Variants in CDYL2 observed in about 807,000 individuals in gnomAD.
CDYL2 encodes the protein chromodomain Y-like protein 2.
In CDYL2, 23 loss-of-function variants were observed where a neutral mutation model predicts 49.4. The ratio of observed to expected loss-of-function variants is 0.47; its 90% CI spans 0.34 to 0.66. CDYL2 has a LOEUF of 0.66. Ranked by LOEUF, CDYL2 falls within the 30% of genes least tolerant of loss-of-function variation. CDYL2 has a pLI of 0.01. For synonymous variants in CDYL2, 360 were observed against 268.8 expected (o/e 1.34, Z -3.32); for missense variants, 678 against 656.4 (o/e 1.03, Z -0.36).
chr16:80,801,113 C>A (rs1275566632), intron 1 of CDYL2, among the ~76,000 whole-genome samples: 1 of 152,160 alleles, frequency 6.6e-6, no homozygotes, highest in Non-Finnish European at 1.5e-5. Flanking sequence ...TATGTTTAGC[C>A]GAATATAGAC....
intron 2 of CDYL2, among the ~76,000 whole-genome samples, chr16:80,672,791 T>C (rs1040295817): frequency 6.6e-6 from 1 of 152,164 alleles, no homozygotes; most frequent in African/African-American, 2.4e-5. Flanking sequence ...AGCTGCTAAA[T>C]GTAACATCCT....
chr16:80,772,474 ACGGAGT>A (rs1306078174), intron 1 of CDYL2, among the ~76,000 whole-genome samples: 4 of 152,140 alleles, frequency 2.6e-5, no homozygotes, highest in Admixed American at 2.6e-4. Context: ...TTTTTGGGAG[ACGGAGT>A]CTCCCTCTGT....
intron 2 of CDYL2, 54 bp downstream of exon 2, chr16:80,684,484 G>T: frequency 6.5e-7 from 1 of 1,528,550 alleles, no homozygotes; most frequent in Non-Finnish European, 8.9e-7. Context: ...TACAGGCAGA[G>T]CTCCCCTTTC....
At chr16:80,772,477 G>A (rs1906939132) in intron 1 of CDYL2, among the ~76,000 whole-genome samples, 1 of 152,168 alleles carries the variant, frequency 6.6e-6, no homozygotes, top group African/African-American at 2.4e-5. Context: ...TTGGGAGACG[G>A]AGTCTCCCTC....
intron 3 of CDYL2, among the ~76,000 whole-genome samples, chr16:80,631,071 TG>T (rs1227004659): frequency 1.3e-5 from 2 of 152,182 alleles, no homozygotes; most frequent in African/African-American, 2.4e-5. Context: ...TCAGTGGGCC[TG>T]GCACTGGGAT....
intron 2 of CDYL2, among the ~76,000 whole-genome samples, chr16:80,637,546 T>C (rs905130514): frequency 6.6e-6 from 1 of 152,092 alleles, no homozygotes; most frequent in Admixed American, 6.6e-5. Flanking sequence ...AGAAAAACAA[T>C]TACTCCTGAA....
chr16:80,769,335 C>T (rs1176156076), intron 1 of CDYL2, among the ~76,000 whole-genome samples: 1 of 152,216 alleles, frequency 6.6e-6, no homozygotes, highest in Non-Finnish European at 1.5e-5. Context: ...GGAGGTGATG[C>T]TGAAAGCCAA....
intron 1 of CDYL2, among the ~76,000 whole-genome samples, chr16:80,789,252 C>T (rs1344580403): frequency 6.6e-6 from 1 of 152,166 alleles, no homozygotes; most frequent in South Asian, 2.1e-4. Context: ...TACTGTTCAA[C>T]CCAGCAATCC....
chr16:80,768,673 T>C (rs894942808), intron 1 of CDYL2, among the ~76,000 whole-genome samples: 3 of 152,146 alleles, frequency 2.0e-5, no homozygotes, highest in African/African-American at 7.2e-5. Flanking sequence ...ATATAAATTT[T>C]GGGGAGACAT....
intron 1 of CDYL2, among the ~76,000 whole-genome samples, chr16:80,785,550 T>C (rs1295853159): frequency 2.0e-5 from 3 of 152,170 alleles, no homozygotes; most frequent in Non-Finnish European, 4.4e-5. Context: ...AAGTAATTTA[T>C]AGATTCAATG....
chr16:80,728,774 A>G (rs548600347), intron 1 of CDYL2, among the ~76,000 whole-genome samples: 4 of 152,322 alleles, frequency 2.6e-5, no homozygotes, highest in African/African-American at 9.6e-5. Context: ...TCTACAAGCC[A>G]GAAGAGAGTG....
At chr16:80,693,914 A>G (rs889617880) in intron 1 of CDYL2, among the ~76,000 whole-genome samples, 2 of 152,248 alleles carry the variant, frequency 1.3e-5, no homozygotes, top group Non-Finnish European at 2.9e-5. Flanking sequence ...TTACAGATGT[A>G]TGATACAACC....
At position 80,804,118 on chromosome 16, in the gene CDYL2, T is replaced by C. The variant is rs1166566099; in HGVS notation, c.24+32A>G. 4 of 1,069,966 alleles carry C rather than the reference T, an allele frequency of 3.7e-6. No homozygotes were observed. The East Asian group carries it at 3.5e-4, about 93-fold the overall frequency. 66.3% of individuals were successfully genotyped at this position (1,069,966 alleles called of 1,614,324 possible). On this transcript the variant is annotated intron_variant, in intron 1 of 6. Coordinates refer to ENST00000570137, the MANE Select transcript of CDYL2 (RefSeq NM_152342.4). ...CCGCCGCCCGCCGCCGCCCGCTGAC[T>C]GGGGCCGGCCCGCGCCCCCGCGTCC...
chr16:80,666,883 G>C (rs1258069336), intron 2 of CDYL2, among the ~76,000 whole-genome samples: 1 of 152,170 alleles, frequency 6.6e-6, no homozygotes, highest in Non-Finnish European at 1.5e-5. Flanking sequence ...CACCTGCTAA[G>C]TGCCCAGCAT....
At chr16:80,658,664 A>T (rs1908910423) in intron 2 of CDYL2, among the ~76,000 whole-genome samples, 1 of 152,224 alleles carries the variant, frequency 6.6e-6, no homozygotes, top group Admixed American at 6.5e-5. Context: ...AGAATTCATG[A>T]TTTTAAAAAT....
chr16:80,649,525 T>G (rs1908495584), intron 2 of CDYL2, among the ~76,000 whole-genome samples: 1 of 152,176 alleles, frequency 6.6e-6, no homozygotes, highest in African/African-American at 2.4e-5. Flanking sequence ...GAATCAATAT[T>G]GTTAAAATGG....
Position 80,612,912 on chromosome 16 carries a change from G to A in CDYL2, c.1008-76C>T. ...CCCACTGGAACCCTTGACTCTCCCA[G>A]GTGCTGTGAGGAGCACCCTCAGGTC... is the stretch of plus-strand genomic sequence containing the variant. On this transcript the variant is annotated intron_variant, in intron 4 of 6. Transcript: ENST00000570137. The surrounding 1 kb of genome is among the most constrained non-coding windows in gnomAD (Gnocchi z 5.0). 1 of 1,349,870 alleles carries A rather than the reference G, an allele frequency of 7.4e-7. No individual in the cohort carries two copies. The highest frequency in any genetic ancestry group is 1.5e-5 in the South Asian group (1 of 67,296). The allele number at this position is 1,349,870 out of a possible 1,614,324, so 83.6% of individuals were successfully genotyped here.
Position 80,691,245 on chromosome 16 carries a change from C to T in CDYL2, c.25-6116G>A, listed in dbSNP as rs114221463. On this transcript the variant is annotated intron_variant, in intron 1 of 6. Transcript: ENST00000570137. ...GACAACTCCCTTGGGGGCGGAAGGG[C>T]GAAGGCACCCCATGGTTACAACTTG... 4.2e-3 allele frequency among the ~76,000 whole-genome samples: 635 copies of T among 152,208 alleles called. 4 individuals carry two copies. Among genetic ancestry groups the T allele is most frequent in the African/African-American group, 0.014 (587 of 41,514 alleles).
At chr16:80,803,849 G>A (rs1343664245) in intron 1 of CDYL2, among the ~76,000 whole-genome samples, 13 of 146,272 alleles carry the variant, frequency 8.9e-5, no homozygotes, top group Non-Finnish European at 1.4e-4. Context: ...CCCCCGCCCC[G>A]GCTCCGCCCG....
Sources: allele counts gnomAD v4.1 joint callset (sites outside exome capture counted in the v4.1 genomes callset), GRCh38; gene constraint gnomAD v4.1.1; non-coding constraint Gnocchi (gnomAD v3.1); transcripts MANE v1.5; gene names NCBI Gene and HGNC (gene_info 2026-07-23, HGNC 2026-07-21).